The following OAS2 variants were observed in gnomAD, a reference collection of about 807,000 sequenced individuals.
OAS2 encodes 2'-5'-oligoadenylate synthase 2.
A neutral mutation model predicts 71.3 loss-of-function variants in OAS2; 67 were observed. That is an observed-to-expected ratio of 0.94 (90% confidence interval 0.77 to 1.15). The LOEUF (loss-of-function observed/expected upper bound fraction) is 1.15. OAS2 is among the 50% of genes most tolerant of loss of function. The probability of loss-of-function intolerance (pLI) is 0.00; values close to 1 mark genes in which losing one functional copy is unlikely to be tolerated. For synonymous variants in OAS2, 327 were observed against 321.8 expected (o/e 1.02, Z -0.17); for missense variants, 789 against 822.5 (o/e 0.96, Z 0.50).
At chr12:112,991,650 G>A (rs2044193729) in intron 2 of OAS2, among the ~76,000 whole-genome samples, 1 of 152,222 alleles carries the variant, frequency 6.6e-6, no homozygotes, top group Admixed American at 6.5e-5. Flanking sequence ...TTCCAAAGGA[G>A]GCAATCAAAT....
chr12:112,988,366 A>G, intron 2 of OAS2: 1 of 404,128 alleles, frequency 2.5e-6, no homozygotes. Context: ...AGATTTATGG[A>G]CAGGAAAAGG....
intron 2 of OAS2, chr12:112,988,782 A>T (rs1469424992): frequency 2.1e-6 from 2 of 967,546 alleles, no homozygotes. Context: ...AGTCGTTTCT[A>T]ATAAATTTGC....
intron 1 of OAS2, among the ~76,000 whole-genome samples, chr12:112,984,155 G>T (rs183159597): frequency 6.6e-6 from 1 of 152,072 alleles, no homozygotes; most frequent in South Asian, 2.1e-4. Context: ...GCAGTCTCTC[G>T]GTCTCTGTTT....
At chr12:112,987,374 C>T (rs989937024) in intron 2 of OAS2, 66 bp downstream of exon 2, 1 of 1,592,890 alleles carries the variant, frequency 6.3e-7, no homozygotes, top group Non-Finnish European at 8.6e-7. Flanking sequence ...TCTGTGCAAC[C>T]TCTAGGCCAT....
At position 113,009,251 on chromosome 12, in the gene OAS2, T is replaced by C. The variant is rs2044360304; in HGVS notation, c.2060T>C (p.Ile687Thr). The C allele has an allele frequency of 6.2e-7, 1 of 1,613,648 alleles. No individual in the cohort carries two copies. Among genetic ancestry groups the C allele is most frequent in the Admixed American group, 1.7e-5 (1 of 59,966 alleles). The change falls in exon 10 of 10, where the codon ATC becomes ACC. Residue 687 changes from isoleucine (I) to threonine (T), a missense_variant. Transcript: ENST00000392583. ...CCTTGGAAAGTGCCGGTAAAAGTCATCTAAAGGAGGCGTTGTCTGGAAATA... is the reference window on the plus strand; with the variant it reads ...CCTTGGAAAGTGCCGGTAAAAGTCACCTAAAGGAGGCGTTGTCTGGAAATA... ...IPPWKVPVKV[I>T] is the part of the protein sequence containing the mutation.
intron 5 of OAS2, 46 bp from the exon 6 acceptor site, chr12:113,002,886 G>A: frequency 6.3e-7 from 1 of 1,588,016 alleles, no homozygotes; most frequent in Non-Finnish European, 8.6e-7. Context: ...GCCTTGGGTG[G>A]GCTTACAGGT....
intron 1 of OAS2, among the ~76,000 whole-genome samples, chr12:112,985,844 A>T (rs1313257862): frequency 6.6e-6 from 1 of 152,166 alleles, no homozygotes; most frequent in Non-Finnish European, 1.5e-5. Context: ...ATGATGGCTC[A>T]TGCCTATAAT....
At position 113,009,761 on chromosome 12, in the gene OAS2, A is replaced by C; in HGVS notation, c.*506A>C. ...TTCCATTTCATTGCTCAGAAATGTC[A>C]TGTGGCTACCTGTAACTTGAAGGTG... On this transcript the variant is annotated 3_prime_UTR_variant, in exon 10 of 10. Transcript: ENST00000392583. The C allele has an allele frequency of 1.0e-6, 1 of 987,440 alleles. No individual in the cohort carries two copies. Among genetic ancestry groups the C allele is most frequent in the South Asian group, 4.7e-5 (1 of 21,360 alleles). The allele number at this position is 987,440 out of a possible 1,614,324, so 61.2% of individuals were successfully genotyped here.
chr12:112,989,993 C>G (rs2044177128), intron 2 of OAS2, among the ~76,000 whole-genome samples: 1 of 152,154 alleles, frequency 6.6e-6, no homozygotes, highest in African/African-American at 2.4e-5. Flanking sequence ...ACGTCACCAC[C>G]AGGGATGGGG....
intron 8 of OAS2, 24 bp downstream of exon 8, chr12:113,006,624 C>T (rs2044337722): frequency 6.7e-7 from 1 of 1,501,490 alleles, no homozygotes; most frequent in South Asian, 1.3e-5. Flanking sequence ...TTGTTCTGAC[C>T]ATGGGGTTAT....
At position 113,010,185 on chromosome 12, in the gene OAS2, A is replaced by T; in HGVS notation, c.*930A>T. ...CAACCCTGGGGGGAATGTAGGGAAG[A>T]GGTGGCCAAGCCAACCGTGGGGTTA... On this transcript the variant is annotated 3_prime_UTR_variant, in exon 10 of 10. Coordinates refer to ENST00000392583, the MANE Select transcript of OAS2 (RefSeq NM_002535.3). 1 of 1,349,184 alleles carries T rather than the reference A, an allele frequency of 7.4e-7. No homozygotes were observed. The highest frequency in any genetic ancestry group is 9.5e-7 in the Non-Finnish European group (1 of 1,052,258). 83.6% of individuals were successfully genotyped at this position (1,349,184 alleles called of 1,614,324 possible).
At chr12:112,996,538 C>T (rs914310851) in intron 3 of OAS2, among the ~76,000 whole-genome samples, 1 of 152,052 alleles carries the variant, frequency 6.6e-6, no homozygotes, top group Non-Finnish European at 1.5e-5. Context: ...CCACCCAGCG[C>T]AGCAAAGCCA....
intron 1 of OAS2, among the ~76,000 whole-genome samples, chr12:112,985,637 T>A (rs553169028): frequency 4.6e-5 from 7 of 152,386 alleles, no homozygotes; most frequent in African/African-American, 1.4e-4. Context: ...TTTGAATTTT[T>A]CTTAACCATT....
intron 1 of OAS2, among the ~76,000 whole-genome samples, chr12:112,985,069 A>G (rs962915184): frequency 1.3e-5 from 2 of 152,018 alleles, no homozygotes; most frequent in Non-Finnish European, 2.9e-5. Flanking sequence ...TTGTCTTGCT[A>G]TTTTCAGAAT....
intron 5 of OAS2, among the ~76,000 whole-genome samples, chr12:113,000,096 C>T (rs1229078014): frequency 6.6e-6 from 1 of 152,140 alleles, no homozygotes; most frequent in Non-Finnish European, 1.5e-5. Flanking sequence ...GACTGCCAGA[C>T]ATCTCTTTAC....
At chr12:112,986,719 A>G (rs2044140389) in intron 1 of OAS2, among the ~76,000 whole-genome samples, 1 of 151,674 alleles carries the variant, frequency 6.6e-6, no homozygotes, top group Non-Finnish European at 1.5e-5. Context: ...CCAGATGCGC[A>G]CAGGCACCAG....
intron 4 of OAS2, 37 bp downstream of exon 4, chr12:112,997,792 C>A: frequency 7.1e-7 from 1 of 1,418,218 alleles, no homozygotes; most frequent in Non-Finnish European, 9.5e-7. Context: ...TGTACCTCAT[C>A]ATCCGCATGC....
In OAS2 at chr12:113,005,180, G is replaced by A. The variant is rs780389811; in HGVS notation, c.1426G>A (p.Glu476Lys). The stretch of plus-strand genomic sequence containing the variant: ...CTCTCTGAAATCCAAAGTCCTCAAC[G>A]AAAGTGTCAGCTTTGATGTGCTTCC... ...SFSLKSKVLN[E>K]SVSFDVLPAF... is the part of the protein sequence containing the mutation. The change falls in exon 7 of 10, where the codon GAA (glutamate) becomes AAA (lysine). Residue 476 changes from glutamate to lysine, a missense_variant. Physicochemically the swap from Glu to Lys is moderately conservative, Grantham distance 56 (BLOSUM62 1). Coordinates refer to ENST00000392583, the MANE Select transcript of OAS2 (RefSeq NM_002535.3). 3 of 1,614,098 alleles carry A rather than the reference G, an allele frequency of 1.9e-6. No individual in the cohort carries two copies. Among genetic ancestry groups the A allele is most frequent in the Non-Finnish European group, 2.5e-6 (3 of 1,179,988 alleles).
intron 3 of OAS2, among the ~76,000 whole-genome samples, chr12:112,995,797 G>C (rs1376885928): frequency 6.6e-6 from 1 of 152,058 alleles, no homozygotes; most frequent in African/African-American, 2.4e-5. Context: ...GGCTCAACGG[G>C]ATGTCTGAGA....
Sources: allele counts gnomAD v4.1 joint callset (sites outside exome capture counted in the v4.1 genomes callset), GRCh38; gene constraint gnomAD v4.1.1; transcripts MANE v1.5; gene names NCBI Gene and HGNC (gene_info 2026-07-23, HGNC 2026-07-21).